Variants in AGBL4 observed in about 807,000 individuals in gnomAD.
The protein encoded by AGBL4 is AGBL carboxypeptidase 4.
A neutral mutation model predicts 66.4 loss-of-function variants in AGBL4; 58 were observed. The observed-to-expected ratio is 0.87, with a 90% CI of 0.71 to 1.09. The LOEUF (loss-of-function observed/expected upper bound fraction) is 1.09, where lower values mean the gene tolerates loss of function less well. AGBL4 is among the 50% of genes least tolerant of loss of function. The probability of loss-of-function intolerance (pLI) is 0.00; values close to 1 mark genes in which losing one functional copy is unlikely to be tolerated. For synonymous variants in AGBL4, 234 were observed against 222.9 expected (o/e 1.05, Z -0.44); for missense variants, 579 against 631.0 (o/e 0.92, Z 0.88).
intron 5 of AGBL4, among the ~76,000 whole-genome samples, chr1:48,952,445 A>G (rs1657074381): frequency 6.6e-6 from 1 of 152,246 alleles, no homozygotes; most frequent in Non-Finnish European, 1.5e-5. Flanking sequence ...GAATGAATTA[A>G]TGGAAAGTGA....
intron 3 of AGBL4, among the ~76,000 whole-genome samples, chr1:49,388,684 G>T (rs1251790801): frequency 6.6e-6 from 1 of 152,102 alleles, no homozygotes; most frequent in Non-Finnish European, 1.5e-5. Flanking sequence ...CCAGGTTTTT[G>T]GTTCATATGC....
chr1:49,959,617 C>T (rs1656955496), intron 1 of AGBL4, among the ~76,000 whole-genome samples: 1 of 152,040 alleles, frequency 6.6e-6, no homozygotes, highest in African/African-American at 2.4e-5. Context: ...ATGTGGAAAG[C>T]AGTGTGGCAA....
intron 3 of AGBL4, among the ~76,000 whole-genome samples, chr1:49,305,138 T>A (rs951217676): frequency 6.6e-6 from 1 of 152,200 alleles, no homozygotes; most frequent in Non-Finnish European, 1.5e-5. Context: ...GGCTCCAGTG[T>A]CAACATTTAT....
At chr1:48,982,918 A>G (rs1340510296) in intron 5 of AGBL4, among the ~76,000 whole-genome samples, 1 of 152,106 alleles carries the variant, frequency 6.6e-6, no homozygotes, top group Non-Finnish European at 1.5e-5. Context: ...ATGGTATCTC[A>G]TTGTGGTTTT....
chr1:49,836,876 C>G (rs189073908), intron 2 of AGBL4, among the ~76,000 whole-genome samples: 23 of 152,294 alleles, frequency 1.5e-4, no homozygotes, highest in Admixed American at 7.2e-4. Flanking sequence ...AGGTCCATTC[C>G]AGACCCATTT....
chr1:48,947,172 G>A (rs905177157), intron 5 of AGBL4, among the ~76,000 whole-genome samples: 3 of 152,176 alleles, frequency 2.0e-5, no homozygotes, highest in African/African-American at 7.2e-5. Flanking sequence ...TGTCAGAAAA[G>A]CCTTTCCTGA....
chr1:49,945,489 CAT>C (rs772801156), intron 1 of AGBL4, among the ~76,000 whole-genome samples: 18 of 152,068 alleles, frequency 1.2e-4, no homozygotes, highest in South Asian at 4.1e-4. Flanking sequence ...GAAGGAAACA[CAT>C]GTCTTTTTCA....
chr1:49,996,164 A>AC (rs1660355175), intron 1 of AGBL4: 1 of 152,120 alleles, frequency 6.6e-6, no homozygotes, highest in Non-Finnish European at 1.5e-5. Flanking sequence ...ATTCTTTAAC[A>AC]CCCCCAAAAA....
intron 3 of AGBL4, among the ~76,000 whole-genome samples, chr1:49,251,425 C>G (rs1271463471): frequency 6.6e-6 from 1 of 152,160 alleles, no homozygotes; most frequent in East Asian, 1.9e-4. Context: ...AAGCCCCACC[C>G]CTGCCAGTGC....
At chr1:49,363,433 C>A (rs1644181546) in intron 3 of AGBL4, among the ~76,000 whole-genome samples, 2 of 152,148 alleles carry the variant, frequency 1.3e-5, no homozygotes, top group Non-Finnish European at 2.9e-5. Context: ...TTGTAACAAG[C>A]ATTAATGATA....
chr1:48,531,133 G>A (rs1046298959), downstream of AGBL4, among the ~76,000 whole-genome samples: 7 of 152,044 alleles, frequency 4.6e-5, no homozygotes, highest in African/African-American at 1.7e-4. Flanking sequence ...TTTCTGCTCT[G>A]CCAATGTGGA....
chr1:48,540,243 C>T (rs1165158433), intron 11 of AGBL4, among the ~76,000 whole-genome samples: 2 of 152,220 alleles, frequency 1.3e-5, no homozygotes, highest in Non-Finnish European at 1.5e-5. Flanking sequence ...TGACCCTAAA[C>T]AGTGTTCCCA....
At chr1:49,754,347 G>T (rs1651722178) in intron 2 of AGBL4, among the ~76,000 whole-genome samples, 1 of 150,662 alleles carries the variant, frequency 6.6e-6, no homozygotes, top group Admixed American at 6.6e-5. Flanking sequence ...TGCACATTGT[G>T]CAGGTTAGTT....
At chr1:49,895,681 T>C (rs565316636) in intron 1 of AGBL4, among the ~76,000 whole-genome samples, 1 of 151,862 alleles carries the variant, frequency 6.6e-6, no homozygotes, top group Non-Finnish European at 1.5e-5. Flanking sequence ...AAAATAGTAT[T>C]CACAAGACAC....
intron 9 of AGBL4, among the ~76,000 whole-genome samples, chr1:48,600,303 C>T (rs1409895568): frequency 6.6e-6 from 1 of 152,120 alleles, no homozygotes. Context: ...GGGCCTAGAT[C>T]CTATCTGGAA....
At chr1:49,834,689 ACT>A (rs1645798431) in intron 2 of AGBL4, among the ~76,000 whole-genome samples, 1 of 151,884 alleles carries the variant, frequency 6.6e-6, no homozygotes, top group African/African-American at 2.4e-5. Context: ...GATCTTTCCC[ACT>A]TTCTTCTGTG....
chr1:49,653,236 G>A (rs371342275), intron 3 of AGBL4, among the ~76,000 whole-genome samples: 1 of 152,084 alleles, frequency 6.6e-6, no homozygotes, highest in Non-Finnish European at 1.5e-5. Flanking sequence ...AGGAAGAGGG[G>A]TCTGATTGCT....
At chr1:49,208,098 A>G (rs1182019981) in intron 4 of AGBL4, among the ~76,000 whole-genome samples, 1 of 152,080 alleles carries the variant, frequency 6.6e-6, no homozygotes, top group Non-Finnish European at 1.5e-5. Flanking sequence ...TTTAATTCTT[A>G]CAACTATCAT....
chr1:49,209,100 C>T (rs935650618), intron 4 of AGBL4, among the ~76,000 whole-genome samples: 1 of 152,092 alleles, frequency 6.6e-6, no homozygotes, highest in Non-Finnish European at 1.5e-5. Flanking sequence ...TAATCCAGCA[C>T]TAACACATAT....
Sources: gnomAD v4.1 joint callset for allele counts (sites outside exome capture counted in the v4.1 genomes callset) on GRCh38, gnomAD v4.1.1 for gene constraint, MANE v1.5 for transcripts, NCBI Gene and HGNC (gene_info 2026-07-23, HGNC 2026-07-21) for gene names.